Variants in ZNRF2 observed in about 807,000 individuals in gnomAD.
ZNRF2 encodes the protein zinc and ring finger 2, also known as E3 ubiquitin-protein ligase ZNRF2.
A neutral mutation model predicts 20.4 loss-of-function variants in ZNRF2; 16 were observed. The ratio of observed to expected loss-of-function variants is 0.79; its 90% CI spans 0.53 to 1.19. The LOEUF (loss-of-function observed/expected upper bound fraction) is 1.19. ZNRF2 is among the 50% of genes most tolerant of loss of function. The pLI is 0.00. For synonymous variants in ZNRF2, 178 were observed against 144.9 expected (o/e 1.23, Z -1.64); for missense variants, 363 against 332.4 (o/e 1.09, Z -0.72).
intron 1 of ZNRF2, among the ~76,000 whole-genome samples, chr7:30,290,770 A>T (rs896737514): frequency 1.3e-5 from 2 of 152,260 alleles, no homozygotes; most frequent in African/African-American, 4.8e-5. Flanking sequence ...TTGACAGCTG[A>T]ACATGTAACT....
rs116867535 is a variant in ZNRF2, at chr7:30,350,241, C to T, written c.566-5487C>T. 9.2e-5 allele frequency among the ~76,000 whole-genome samples: 14 copies of T among 151,976 alleles called. No individual in the cohort carries two copies. In the East Asian group the frequency reaches 2.7e-3, roughly 29 times the overall value. On this transcript the variant is annotated intron_variant, in intron 2 of 4. Transcript: ENST00000323037. ...AGTTACATTTTCTTGGCGAATTCAC[C>T]GAATTTCGATTTCCAGAATATTCCC...
At chr7:30,288,396 A>C (rs1175566297) in intron 1 of ZNRF2, among the ~76,000 whole-genome samples, 2 of 152,214 alleles carry the variant, frequency 1.3e-5, no homozygotes, top group African/African-American at 4.8e-5. Context: ...GGTACTAATA[A>C]GATTCAAAAT....
chr7:30,342,172 T>C (rs1799805765), intron 2 of ZNRF2, among the ~76,000 whole-genome samples: 1 of 152,140 alleles, frequency 6.6e-6, no homozygotes, highest in African/African-American at 2.4e-5. Flanking sequence ...GGGTCTTGAC[T>C]CTTTATCCAA....
chr7:30,347,732 A>C (rs777423904), intron 2 of ZNRF2, among the ~76,000 whole-genome samples: 2 of 152,106 alleles, frequency 1.3e-5, no homozygotes, highest in Non-Finnish European at 2.9e-5. Flanking sequence ...AAAATAAAAC[A>C]AAATAACTTC....
chr7:30,323,626 T>C lies in ZNRF2; in HGVS notation c.470-16T>C. 2 of 1,525,004 alleles carry C rather than the reference T, an allele frequency of 1.3e-6. No homozygotes were observed. Among genetic ancestry groups the C allele is most frequent in the Non-Finnish European group, 1.8e-6 (2 of 1,123,292 alleles). 94.5% of individuals were successfully genotyped at this position (1,525,004 alleles called of 1,614,324 possible). A position where few individuals can be genotyped will look rare whatever the true frequency, so the allele number is the denominator to read the frequency against. ...TTCAGAATAGTTAAGTAACTTGAGT[T>C]TCTTTTGTTTTTTAGGATTTAAGTG... On this transcript the variant is annotated splice_polypyrimidine_tract_variant and intron_variant, in intron 1 of 4. Transcript: ENST00000323037.
Position 30,302,541 on chromosome 7 carries a change from G to GTT in ZNRF2, c.469+16726_469+16727dup, listed in dbSNP as rs113688354. On this transcript the variant is annotated intron_variant, in intron 1 of 4. Transcript: ENST00000323037. ...ATTATGATATAAATTAAAGTACTAT[G>GTT]TTTTTTTTTTTTGGTAATTTTGTTA... Among the ~76,000 whole-genome samples the GTT allele has an allele frequency of 1.5e-3, 204 of 140,530 alleles. 1 individual carries two copies. The highest frequency in any genetic ancestry group is 5.1e-3 in the African/African-American group (192 of 37,668). 92.2% of individuals were successfully genotyped at this position (140,530 alleles called of 152,430 possible).
Position 30,318,505 on chromosome 7 carries a change from G to A in ZNRF2, c.470-5137G>A, listed in dbSNP as rs181078958. ...CATGCCTAACAGATCTGACTTGGTG[G>A]TTGGAGTAATTTTTCTACCAACAAA... On this transcript the variant is annotated intron_variant, in intron 1 of 4. Transcript: ENST00000323037. 8.5e-3 allele frequency among the ~76,000 whole-genome samples: 1,291 copies of A among 152,260 alleles called. 7 individuals carry two copies. The highest frequency in any genetic ancestry group is 0.013 in the Non-Finnish European group (855 of 68,008).
chr7:30,307,339 T>TTTTTTTTTTTG (rs1799225669), intron 1 of ZNRF2, among the ~76,000 whole-genome samples: 1 of 143,238 alleles, frequency 7.0e-6, no homozygotes, highest in Admixed American at 7.0e-5. Context: ...TTTTTTTTTT[T>TTTTTTTTTTTG]TTTTTTTTTT....
At chr7:30,352,224 A>T (rs1475207923) in intron 2 of ZNRF2, among the ~76,000 whole-genome samples, 1 of 152,014 alleles carries the variant, frequency 6.6e-6, no homozygotes, top group Non-Finnish European at 1.5e-5. Context: ...TAAGTTTTCA[A>T]CTTTAAATCT....
intron 3 of ZNRF2, among the ~76,000 whole-genome samples, chr7:30,361,658 C>T (rs1204176876): frequency 6.6e-6 from 1 of 152,122 alleles, no homozygotes; most frequent in Admixed American, 6.5e-5. Flanking sequence ...CTAGAGTAGT[C>T]GTGAGCCATG....
intron 1 of ZNRF2, among the ~76,000 whole-genome samples, chr7:30,286,887 A>G (rs544903434): frequency 2.0e-5 from 3 of 152,204 alleles, no homozygotes; most frequent in South Asian, 2.1e-4. Flanking sequence ...TTTTACTTAT[A>G]TATTTGTAAA....
At chr7:30,327,407 C>T (rs890977325) in intron 2 of ZNRF2, among the ~76,000 whole-genome samples, 12 of 152,026 alleles carry the variant, frequency 7.9e-5, no homozygotes, top group Admixed American at 7.2e-4. Context: ...ATAGGGAATC[C>T]TTTCCCCATT....
At chr7:30,351,457 C>T (rs954862243) in intron 2 of ZNRF2, among the ~76,000 whole-genome samples, 1 of 151,974 alleles carries the variant, frequency 6.6e-6, no homozygotes, top group Non-Finnish European at 1.5e-5. Flanking sequence ...ATTGTAAGGT[C>T]GTTTCAGTTA....
At chr7:30,364,447 C>G (rs978156544) in intron 4 of ZNRF2, among the ~76,000 whole-genome samples, 1 of 152,152 alleles carries the variant, frequency 6.6e-6, no homozygotes, top group Non-Finnish European at 1.5e-5. Context: ...CACACCAGTG[C>G]ACTCCTGCCT....
intron 2 of ZNRF2, among the ~76,000 whole-genome samples, chr7:30,324,562 A>G (rs924469826): frequency 1.3e-5 from 2 of 150,388 alleles, no homozygotes; most frequent in African/African-American, 2.5e-5. Flanking sequence ...AAAAAAAAGA[A>G]AAAAAAACAA....
intron 1 of ZNRF2, among the ~76,000 whole-genome samples, chr7:30,306,079 A>G (rs1799199697): frequency 6.6e-6 from 1 of 152,160 alleles, no homozygotes; most frequent in African/African-American, 2.4e-5. Flanking sequence ...AATAGTAGCT[A>G]CTTCATATAG....
intron 1 of ZNRF2, among the ~76,000 whole-genome samples, chr7:30,312,293 T>C (rs1461733158): frequency 6.6e-6 from 1 of 152,210 alleles, no homozygotes; most frequent in Non-Finnish European, 1.5e-5. Context: ...TGAGGATTTT[T>C]AAATAGGTAT....
At chr7:30,354,908 TA>T (rs1269774777) in intron 2 of ZNRF2, among the ~76,000 whole-genome samples, 2 of 152,188 alleles carry the variant, frequency 1.3e-5, no homozygotes, top group African/African-American at 2.4e-5. Flanking sequence ...AAACTGCTTT[TA>T]AAAATTAAAA....
chr7:30,346,802 TTTTG>T (rs1024797023), intron 2 of ZNRF2, among the ~76,000 whole-genome samples: 24 of 152,092 alleles, frequency 1.6e-4, no homozygotes, highest in Non-Finnish European at 4.4e-5. Flanking sequence ...TTTGATTGTT[TTTTG>T]TTTGTTCCTT....
Sources: allele counts gnomAD v4.1 joint callset (sites outside exome capture counted in the v4.1 genomes callset), GRCh38; gene constraint gnomAD v4.1.1; transcripts MANE v1.5; gene names NCBI Gene and HGNC (gene_info 2026-07-23, HGNC 2026-07-21).